The following BBS9 variants were observed in gnomAD, a reference collection of about 807,000 sequenced individuals.
BBS9 encodes Bardet-Biedl syndrome 9.
Under a neutral mutation model 117.7 loss-of-function variants are expected in BBS9, and 89 were observed. The ratio of observed to expected loss-of-function variants is 0.76; its 90% confidence interval spans 0.64 to 0.90. The LOEUF is 0.90. Among genes scored for constraint, BBS9 ranks in the 40% least tolerant of loss-of-function variants. BBS9 has a pLI of 0.00. For missense variants in BBS9, 982 were observed against 1,042.2 expected (o/e 0.94, Z 0.80); for synonymous variants, 379 against 370.9 (o/e 1.02, Z -0.25).
intron 7 of BBS9, among the ~76,000 whole-genome samples, chr7:33,270,060 G>C (rs1456343768): frequency 6.6e-6 from 1 of 150,780 alleles, no homozygotes; most frequent in Non-Finnish European, 1.5e-5. Context: ...AAATATAGAG[G>C]TGCCACATAA....
At chr7:33,186,194 G>T (rs566140624) in intron 5 of BBS9, among the ~76,000 whole-genome samples, 2 of 152,312 alleles carry the variant, frequency 1.3e-5, no homozygotes, top group South Asian at 2.1e-4. Flanking sequence ...GCGGATTCTT[G>T]TAAGTCTGAA....
rs375452897 is a variant in BBS9 at position 33,294,668 on chromosome 7, G to A, written c.1016+20712G>A. Among the ~76,000 whole-genome samples, 10 of 152,052 alleles carry A rather than the reference G, an allele frequency of 6.6e-5. No individual in the cohort carries two copies. The East Asian group carries it at 1.9e-3, about 30-fold the overall frequency. On this transcript the variant is annotated intron_variant, in intron 9 of 22. Transcript: ENST00000242067. ...ATAAATCACATTTAGAAGCTTTTATGCAATCATAGTCATGCTTGTATATTA... is the reference window on the plus strand; with the variant it reads ...ATAAATCACATTTAGAAGCTTTTATACAATCATAGTCATGCTTGTATATTA...
chr7:33,358,135 C>G, intron 16 of BBS9, 140 bp downstream of exon 16: 1 of 1,070,138 alleles, frequency 9.3e-7, no homozygotes, highest in Admixed American at 2.0e-5. Flanking sequence ...GGATTTTTCC[C>G]TCCTTTGCCT....
rs182570222 is a variant in BBS9, at chr7:33,360,144, A to T, written c.1693+2149A>T. 1.2e-3 allele frequency among the ~76,000 whole-genome samples: 189 copies of T among 152,234 alleles called. 4 individuals carry two copies. In the South Asian group the frequency reaches 0.032, roughly 25 times the overall value. On this transcript the variant is annotated intron_variant, in intron 16 of 22. Transcript: ENST00000242067. ...ATCATTTGACCAGCATTATACTTTT[A>T]GATATTTACGTTGTTTTTAGTTTAT...
At chr7:33,151,868 T>C (rs904650197) in intron 2 of BBS9, among the ~76,000 whole-genome samples, 12 of 148,818 alleles carry the variant, frequency 8.1e-5, no homozygotes, top group Non-Finnish European at 1.6e-4. Context: ...TTTTTTTTTT[T>C]TTTTTCAGTG....
chr7:33,465,040 G>A (rs182987497), intron 19 of BBS9, among the ~76,000 whole-genome samples: 5 of 151,844 alleles, frequency 3.3e-5, no homozygotes, highest in Admixed American at 2.6e-4. Flanking sequence ...CTGATGGTAC[G>A]TCAGTTAATC....
intron 21 of BBS9, among the ~76,000 whole-genome samples, chr7:33,615,562 G>C (rs1388110081): frequency 6.6e-6 from 1 of 151,898 alleles, no homozygotes; most frequent in African/African-American, 2.4e-5. Context: ...AAAAATACTG[G>C]AACAAATATC....
chr7:33,317,463 T>TA (rs397743654), intron 9 of BBS9, among the ~76,000 whole-genome samples: 2 of 151,792 alleles, frequency 1.3e-5, no homozygotes, highest in African/African-American at 4.8e-5. Flanking sequence ...TCTTTTTTTT[T>TA]AACAATATTA....
At chr7:33,267,933 G>C (rs1799099416) in intron 7 of BBS9, among the ~76,000 whole-genome samples, 2 of 151,974 alleles carry the variant, frequency 1.3e-5, no homozygotes, top group African/African-American at 4.8e-5. Context: ...TGTATATACT[G>C]TTCTTGAGGT....
At chr7:33,212,303 A>G (rs973838621) in intron 5 of BBS9, among the ~76,000 whole-genome samples, 2 of 152,134 alleles carry the variant, frequency 1.3e-5, no homozygotes, top group African/African-American at 4.8e-5. Context: ...GCTATCTTCA[A>G]GCTCACTAAT....
At chr7:33,451,013 C>T (rs960636349) in intron 19 of BBS9, among the ~76,000 whole-genome samples, 31 of 151,974 alleles carry the variant, frequency 2.0e-4, no homozygotes, top group Non-Finnish European at 3.5e-4. Context: ...CTCAGCCTCC[C>T]GAGTAGCTGG....
At chr7:33,185,852 A>T (rs897791879) in intron 5 of BBS9, among the ~76,000 whole-genome samples, 4 of 152,184 alleles carry the variant, frequency 2.6e-5, no homozygotes, top group Non-Finnish European at 1.5e-5. Context: ...GTGGGAGAAG[A>T]GGTGTGCAGT....
intron 9 of BBS9, among the ~76,000 whole-genome samples, chr7:33,324,741 G>A (rs1812496681): frequency 6.6e-6 from 1 of 151,906 alleles, no homozygotes; most frequent in Admixed American, 6.6e-5. Context: ...ACTTTTGCTG[G>A]ATATACTATT....
chr7:33,133,255 A>G (rs1353133842), intron 1 of BBS9, among the ~76,000 whole-genome samples: 3 of 152,258 alleles, frequency 2.0e-5, no homozygotes, highest in African/African-American at 4.8e-5. Context: ...TTGAAATACA[A>G]TTCAAATACC....
At chr7:33,141,141 A>G (rs753405984) in intron 1 of BBS9, among the ~76,000 whole-genome samples, 3 of 152,130 alleles carry the variant, frequency 2.0e-5, no homozygotes, top group African/African-American at 7.2e-5. Context: ...AGCTCACTGC[A>G]GGCTGGCATG....
chr7:33,518,742 A>T (rs1848183821), intron 20 of BBS9, among the ~76,000 whole-genome samples: 2 of 152,212 alleles, frequency 1.3e-5, no homozygotes, highest in Admixed American at 1.3e-4. Context: ...TGATATTTAA[A>T]ATTAGGATGA....
At chr7:33,381,367 G>A (rs1584575947) in intron 17 of BBS9, among the ~76,000 whole-genome samples, 1 of 152,272 alleles carries the variant, frequency 6.6e-6, no homozygotes, top group African/African-American at 2.4e-5. Context: ...TCTCCTGGGA[G>A]CTCCTTGAGG....
At chr7:33,480,422 G>T (rs1049057453) in intron 19 of BBS9, among the ~76,000 whole-genome samples, 2 of 152,172 alleles carry the variant, frequency 1.3e-5, no homozygotes, top group African/African-American at 2.4e-5. Flanking sequence ...TACAGTGCAA[G>T]AAAGCATAGA....
intron 19 of BBS9, among the ~76,000 whole-genome samples, chr7:33,418,890 A>G (rs188127744): frequency 2.4e-4 from 37 of 152,326 alleles, no homozygotes; most frequent in African/African-American, 7.5e-4. Flanking sequence ...TCATGTCACA[A>G]TGTGTCCATT....
Sources: allele counts gnomAD v4.1 joint callset (sites outside exome capture counted in the v4.1 genomes callset), GRCh38; gene constraint gnomAD v4.1.1; transcripts MANE v1.5; gene names NCBI Gene and HGNC (gene_info 2026-07-23, HGNC 2026-07-21).